The following PPAT variants were observed in gnomAD, a reference collection of about 807,000 sequenced individuals.
PPAT encodes phosphoribosyl pyrophosphate amidotransferase.
A neutral mutation model predicts 60.2 loss-of-function variants in PPAT; 20 were observed. That is an observed-to-expected ratio of 0.33 (90% CI 0.23 to 0.48). The LOEUF (loss-of-function observed/expected upper bound fraction) is 0.48, where lower values mean the gene tolerates loss of function less well. Among genes scored for constraint, PPAT ranks in the 20% least tolerant of loss-of-function variants. The pLI is 0.99. For synonymous variants in PPAT, 194 were observed against 215.1 expected, an observed-to-expected ratio of 0.90 and a Z score of 0.86; for missense variants, 349 against 629.6, an observed-to-expected ratio of 0.55 and a Z score of 4.77.
chr4:56,399,287 C>T lies in PPAT; in HGVS notation c.1128G>A (p.Leu376=). The T allele has an allele frequency of 6.2e-7, 1 of 1,613,960 alleles. No homozygotes were observed. The highest frequency in any genetic ancestry group is 8.5e-7 in the Non-Finnish European group (1 of 1,179,912). Residue 376 remains leucine, a synonymous_variant, in exon 9 of 11, where the codon TTG becomes TTA. Coordinates refer to ENST00000264220, the MANE Select transcript of PPAT (RefSeq NM_002703.5). The part of the protein sequence containing the change: ...QLGVAKKFGV[L]SDNFKGKRIV... ...TTCTTTTGCCTTTAAAGTTGTCTGACAATACTCCAAATTTTTTTGCAACAC... is the reference window on the plus strand; with the variant it reads ...TTCTTTTGCCTTTAAAGTTGTCTGATAATACTCCAAATTTTTTTGCAACAC...
intron 1 of PPAT, chr4:56,420,852 G>T (rs1717003635): frequency 6.6e-6 from 1 of 152,174 alleles, no homozygotes; most frequent in Admixed American, 6.5e-5. Context: ...TACACACTAA[G>T]ACATGATAGC....
chr4:56,415,388 CCTTT>C (rs1204002690), intron 1 of PPAT, among the ~76,000 whole-genome samples: 1 of 152,144 alleles, frequency 6.6e-6, no homozygotes, highest in Non-Finnish European at 1.5e-5. Context: ...AAACTGCATT[CCTTT>C]CTAAGATGTA....
intron 1 of PPAT, chr4:56,429,015 A>T: frequency 1.1e-6 from 1 of 950,056 alleles, no homozygotes; most frequent in Non-Finnish European, 1.3e-6. Flanking sequence ...GGTAAGAGCC[A>T]GAGAAATAAC....
chr4:56,419,915 G>A, intron 1 of PPAT: 1 of 984,626 alleles, frequency 1.0e-6, no homozygotes, highest in Non-Finnish European at 1.2e-6. Flanking sequence ...GCATGACTAA[G>A]AGTATGAAAT....
At chr4:56,418,763 C>G (rs1471296223) in intron 1 of PPAT, among the ~76,000 whole-genome samples, 1 of 152,082 alleles carries the variant, frequency 6.6e-6, no homozygotes, top group Non-Finnish European at 1.5e-5. Context: ...GAGAAAAACA[C>G]AAGATTGGTT....
At chr4:56,398,524 A>T (rs1411972704) in intron 9 of PPAT, among the ~76,000 whole-genome samples, 1 of 151,704 alleles carries the variant, frequency 6.6e-6, no homozygotes, top group African/African-American at 2.4e-5. Flanking sequence ...ACTTCGGCTC[A>T]CTGCAATCTC....
At chr4:56,417,611 T>C (rs990452965) in intron 1 of PPAT, among the ~76,000 whole-genome samples, 1 of 152,052 alleles carries the variant, frequency 6.6e-6, no homozygotes, top group Admixed American at 6.6e-5. Context: ...TGAGACCCCA[T>C]GCCTAAAAAA....
Position 56,429,797 on chromosome 4 carries a change from G to A in PPAT, c.128+5553C>T, listed in dbSNP as rs189309507. ...CCTCCCAGTCATTAATCATCCTTCC[G>A]CCCCCATAAACATTATCACTATTCT... On this transcript the variant is annotated intron_variant, in intron 1 of 10. Transcript: ENST00000264220. Among the ~76,000 whole-genome samples, 37 of 152,010 alleles carry A rather than the reference G, an allele frequency of 2.4e-4. No homozygotes were observed. The East Asian group carries it at 4.1e-3, about 17-fold the overall frequency.
chr4:56,395,668 T>A, intron 10 of PPAT, 120 bp from the exon 11 acceptor site: 1 of 665,768 alleles, frequency 1.5e-6, no homozygotes, highest in Non-Finnish European at 2.1e-6. Flanking sequence ...TCCTTTAGCC[T>A]TTCTTTAAAA....
At chr4:56,411,589 G>A (rs1308131113) in intron 1 of PPAT, among the ~76,000 whole-genome samples, 2 of 152,148 alleles carry the variant, frequency 1.3e-5, no homozygotes, top group Admixed American at 6.5e-5. Flanking sequence ...GGCAAAGGGA[G>A]GGAAATCAAT....
At chr4:56,427,935 A>G (rs969895098) in intron 1 of PPAT, among the ~76,000 whole-genome samples, 1 of 152,246 alleles carries the variant, frequency 6.6e-6, no homozygotes, top group African/African-American at 2.4e-5. Flanking sequence ...TAGAGAAAGA[A>G]GGAAAATGTC....
intron 1 of PPAT, among the ~76,000 whole-genome samples, chr4:56,412,402 G>A (rs1449152816): frequency 2.0e-5 from 3 of 151,514 alleles, no homozygotes; most frequent in Non-Finnish European, 4.4e-5. Context: ...TCAACTTCCA[G>A]GACTCAAATG....
chr4:56,422,689 T>C (rs188413823), intron 1 of PPAT: 20 of 152,218 alleles, frequency 1.3e-4, no homozygotes, highest in Admixed American at 1.2e-3. Flanking sequence ...GCCCTCATAA[T>C]GGGTTTTAGA....
intron 1 of PPAT, among the ~76,000 whole-genome samples, chr4:56,424,308 T>C (rs1717184334): frequency 6.6e-6 from 1 of 152,082 alleles, no homozygotes. Context: ...TCTGAAGGTT[T>C]TGATCTAGCA....
Position 56,403,047 on chromosome 4 carries a change from A to G in PPAT, c.654T>C (p.Asn218=). ...CCTTCTAAAGTTTATTACCTTTGTCATTTATATCAGACACTGGAATAAGAC... is the reference window on the plus strand; with the variant it reads ...CCTTCTAAAGTTTATTACCTTTGTCGTTTATATCAGACACTGGAATAAGAC... ...IGRLIPVSDI[N]DKEKKTSETE... Residue 218 remains asparagine, a synonymous_variant, in exon 5 of 11, where the codon AAT becomes AAC. Coordinates refer to ENST00000264220, the MANE Select transcript of PPAT (RefSeq NM_002703.5). 6.2e-7 allele frequency: 1 copy of G among 1,603,392 alleles called. No homozygotes were observed. Among genetic ancestry groups the G allele is most frequent in the Non-Finnish European group, 8.5e-7 (1 of 1,176,166 alleles).
At position 56,396,655 on chromosome 4, in the gene PPAT, T is replaced by C. The variant is rs1484862728; in HGVS notation, c.1321A>G (p.Asn441Asp). Residue 441 changes from asparagine (N) to aspartate (D), a missense_variant, in exon 10 of 11, where the codon AAT becomes GAT. Coordinates refer to ENST00000264220, the MANE Select transcript of PPAT (RefSeq NM_002703.5). This position sits in a 1 kb window ranked among gnomAD's most constrained non-coding sequence, Gnocchi z 4.6. ...NIPTKEELIA[N>D]KPEFDHLAEY... ...GCAAGGTGATCAAATTCTGGTTTATTGGCAATGAGCTCTTCTTTTGTAGGA... is the reference window on the plus strand; with the variant it reads ...GCAAGGTGATCAAATTCTGGTTTATCGGCAATGAGCTCTTCTTTTGTAGGA... 6.2e-7 allele frequency: 1 copy of C among 1,609,058 alleles called. No homozygotes were observed. The highest frequency in any genetic ancestry group is 8.5e-7 in the Non-Finnish European group (1 of 1,176,598).
In PPAT at chr4:56,435,590, C is replaced by T; in HGVS notation, c.-113G>A. On this transcript the variant is annotated 5_prime_UTR_variant, in exon 1 of 11. Transcript: ENST00000264220. ...AAGCTCGCGCTCGCGACAGGCTCTT[C>T]CTTCCCGAGGGTGGCCCCAGCTACT... The T allele has an allele frequency of 1.3e-6, 2 of 1,563,714 alleles. No individual in the cohort carries two copies. The highest frequency in any genetic ancestry group is 1.7e-6 in the Non-Finnish European group (2 of 1,150,744).
At chr4:56,422,494 TGTGTGTG>T (rs1395617769) in intron 1 of PPAT, 78 of 147,290 alleles carry the variant, frequency 5.3e-4, no homozygotes, top group African/African-American at 1.5e-3. Flanking sequence ...TGTGTGTGTG[TGTGTGTG>T]TGTGTGTGTG....
At chr4:56,416,432 G>A (rs1716753627) in intron 1 of PPAT, 1 of 701,092 alleles carries the variant, frequency 1.4e-6, no homozygotes, top group Non-Finnish European at 1.8e-6. Context: ...CAGACCAATG[G>A]AACTAGGTAT....
Sources: allele counts gnomAD v4.1 joint callset (sites outside exome capture counted in the v4.1 genomes callset), GRCh38; gene constraint gnomAD v4.1.1; non-coding constraint Gnocchi (gnomAD v3.1); transcripts MANE v1.5; gene names NCBI Gene and HGNC (gene_info 2026-07-23, HGNC 2026-07-21).